Variants in R3HDM2 observed in about 807,000 individuals in gnomAD.
R3HDM2 encodes the protein R3H domain containing 2.
In R3HDM2, 38 loss-of-function variants were observed where a neutral mutation model predicts 124.5. The ratio of observed to expected loss-of-function variants is 0.31; its 90% confidence interval spans 0.24 to 0.40. R3HDM2 has a LOEUF of 0.40. Among genes scored for constraint, R3HDM2 ranks in the 10% least tolerant of loss-of-function variants. The probability of loss-of-function intolerance (pLI) is 1.00; values close to 1 mark genes in which losing one functional copy is unlikely to be tolerated. For synonymous variants in R3HDM2, 391 were observed against 448.0 expected, an observed-to-expected ratio of 0.87 and a Z score of 1.61; for missense variants, 869 against 1,236.9, an observed-to-expected ratio of 0.70 and a Z score of 4.46.
chr12:57,365,338 C>A (rs1168229402), intron 2 of R3HDM2, among the ~76,000 whole-genome samples: 1 of 151,620 alleles, frequency 6.6e-6, no homozygotes, highest in Non-Finnish European at 1.5e-5. Context: ...TTTTATTCAC[C>A]TCTTTAATGG....
At chr12:57,284,181 G>A (rs1481308509) in intron 12 of R3HDM2, 125 bp from the exon 13 acceptor site, 1 of 896,824 alleles carries the variant, frequency 1.1e-6, no homozygotes, top group Non-Finnish European at 1.7e-6. Flanking sequence ...GATGGACACT[G>A]ACTTATTGTT....
intron 19 of R3HDM2, among the ~76,000 whole-genome samples, chr12:57,260,930 A>T (rs992878973): frequency 3.3e-5 from 5 of 152,180 alleles, no homozygotes; most frequent in Non-Finnish European, 5.9e-5. Context: ...CATCTGTCAT[A>T]TCATATTCCC....
At chr12:57,378,372 C>A (rs2064367898) in intron 2 of R3HDM2, among the ~76,000 whole-genome samples, 1 of 151,926 alleles carries the variant, frequency 6.6e-6, no homozygotes, top group Non-Finnish European at 1.5e-5. Context: ...CTTGGTCTGT[C>A]TGGTGGTATT....
intron 2 of R3HDM2, among the ~76,000 whole-genome samples, chr12:57,358,515 T>G (rs1273221510): frequency 6.6e-6 from 1 of 151,960 alleles, no homozygotes; most frequent in Admixed American, 6.6e-5. Flanking sequence ...GGCATGGTAC[T>G]GTGCACCTGT....
At chr12:57,423,898 T>C (rs1241581658) in intron 1 of R3HDM2, among the ~76,000 whole-genome samples, 1 of 148,316 alleles carries the variant, frequency 6.7e-6, no homozygotes, top group East Asian at 2.0e-4. Context: ...GAAGATCACC[T>C]GAGGTCAGGA....
rs776487680 is a variant in R3HDM2 at position 57,268,989 on chromosome 12, T to C, written c.1808A>G (p.Gln603Arg). ...QPQNQGLLSS[Q>R]RSSMGGQMQG... Reference sequence around the variant, plus strand: ...CATCTGGCCCCCCATGCTGCTCCTCTGGCTGCTGAGCAGGCCCTGGTTCTG... The same window carrying C: ...CATCTGGCCCCCCATGCTGCTCCTCCGGCTGCTGAGCAGGCCCTGGTTCTG... The change falls in exon 17 of 24, where the codon CAG becomes CGG. Residue 603 changes from glutamine to arginine, a missense_variant. By Grantham distance (43) the Gln-to-Arg change is conservative (BLOSUM62 1). Transcript: ENST00000402412. The C allele has an allele frequency of 5.6e-6, 9 of 1,614,102 alleles. No homozygotes were observed.
At chr12:57,351,140 A>G (rs751434174) in intron 2 of R3HDM2, among the ~76,000 whole-genome samples, 3 of 152,018 alleles carry the variant, frequency 2.0e-5, no homozygotes, top group African/African-American at 7.2e-5. Flanking sequence ...CTAGGTGCTC[A>G]CCTGTGGTCC....
chr12:57,287,921 T>C (rs1240247890), intron 12 of R3HDM2, among the ~76,000 whole-genome samples: 1 of 151,766 alleles, frequency 6.6e-6, no homozygotes, highest in Non-Finnish European at 1.5e-5. Context: ...GGGAAGTTAA[T>C]ACAACAGGTT....
intron 11 of R3HDM2, among the ~76,000 whole-genome samples, chr12:57,291,115 G>A (rs2048479879): frequency 6.6e-6 from 1 of 152,144 alleles, no homozygotes; most frequent in Admixed American, 6.5e-5. Context: ...CATAATAGGA[G>A]GTAAGAAGAT....
intron 20 of R3HDM2, among the ~76,000 whole-genome samples, 178 bp from the exon 21 acceptor site, chr12:57,258,315 T>C (rs906864798): frequency 3.4e-5 from 4 of 117,300 alleles, no homozygotes; most frequent in African/African-American, 1.9e-4. Flanking sequence ...TGCTATTTTA[T>C]TTATTTATTT....
chr12:57,259,864 A>G (rs756959229), intron 19 of R3HDM2, among the ~76,000 whole-genome samples: 12 of 152,268 alleles, frequency 7.9e-5, no homozygotes, highest in Middle Eastern at 6.8e-3. Context: ...AGATGTTTGG[A>G]CTTTATCCTG....
chr12:57,317,631 G>GT (rs1414653390), intron 2 of R3HDM2, among the ~76,000 whole-genome samples: 1 of 76,320 alleles, frequency 1.3e-5, no homozygotes, highest in Non-Finnish European at 2.4e-5. Context: ...CTGGGAGATA[G>GT]TTAAAAAAAA....
intron 3 of R3HDM2, among the ~76,000 whole-genome samples, chr12:57,307,412 A>T (rs968164210): frequency 2.8e-5 from 4 of 142,350 alleles, no homozygotes; most frequent in African/African-American, 1.0e-4. Context: ...TCTGCCTCCC[A>T]GGGGTTCAAG....
chr12:57,288,722 A>C, intron 12 of R3HDM2: 1 of 739,906 alleles, frequency 1.4e-6, no homozygotes, highest in Non-Finnish European at 2.2e-6. Flanking sequence ...AAAAATATCC[A>C]ATGTTGCAAA....
chr12:57,428,547 C>T (rs1481424530), intron 1 of R3HDM2, among the ~76,000 whole-genome samples: 1 of 150,814 alleles, frequency 6.6e-6, no homozygotes, highest in Admixed American at 6.6e-5. Context: ...CCCAGCTACC[C>T]AGGAGGCTGA....
At chr12:57,409,525 A>AT (rs1555316075) in intron 1 of R3HDM2, among the ~76,000 whole-genome samples, 1 of 150,852 alleles carries the variant, frequency 6.6e-6, no homozygotes, top group Non-Finnish European at 1.5e-5. Flanking sequence ...AAAAAAAAAA[A>AT]GAAAAAGAAA....
chr12:57,346,034 C>T (rs916804914), intron 2 of R3HDM2, among the ~76,000 whole-genome samples: 1 of 151,994 alleles, frequency 6.6e-6, no homozygotes, highest in African/African-American at 2.4e-5. Context: ...GTGGTGGGTG[C>T]CTGTAATCCC....
chr12:57,384,394 T>C (rs1311720945), intron 2 of R3HDM2, among the ~76,000 whole-genome samples: 1 of 151,552 alleles, frequency 6.6e-6, no homozygotes, highest in Non-Finnish European at 1.5e-5. Context: ...AACAAGCCTA[T>C]GTTCCTTGAG....
chr12:57,311,731 A>G (rs928820881), intron 2 of R3HDM2, among the ~76,000 whole-genome samples: 2 of 152,178 alleles, frequency 1.3e-5, no homozygotes, highest in Non-Finnish European at 2.9e-5. Flanking sequence ...CTTTGTAGAC[A>G]TCTGTCCTTC....
Sources: gnomAD v4.1 joint callset for allele counts (sites outside exome capture counted in the v4.1 genomes callset) on GRCh38, gnomAD v4.1.1 for gene constraint, MANE v1.5 for transcripts, NCBI Gene and HGNC (gene_info 2026-07-23, HGNC 2026-07-21) for gene names.